The following MAPK4 variants were observed in gnomAD, a reference collection of about 807,000 sequenced individuals.
MAPK4 encodes the protein Erk3-related.
MAPK4 carries 22 observed loss-of-function variants against 47.7 expected under a neutral mutation model. The ratio of observed to expected loss-of-function variants is 0.46; its 90% confidence interval spans 0.33 to 0.66. MAPK4 has a LOEUF of 0.66. Ranked by LOEUF, MAPK4 falls within the 30% of genes least tolerant of loss-of-function variation. MAPK4 has a pLI of 0.02. For synonymous variants in MAPK4, 390 were observed against 365.7 expected (o/e 1.07, Z -0.76); for missense variants, 736 against 831.7 (o/e 0.88, Z 1.42).
At chr18:50,690,554 T>C (rs1301872009) in intron 2 of MAPK4, among the ~76,000 whole-genome samples, 1 of 152,208 alleles carries the variant, frequency 6.6e-6, no homozygotes. Flanking sequence ...TAAAAAGCTC[T>C]TTTAACACTA....
intron 1 of MAPK4, among the ~76,000 whole-genome samples, chr18:50,614,555 T>A (rs533573368): frequency 1.1e-4 from 17 of 152,296 alleles, no homozygotes; most frequent in African/African-American, 3.6e-4. Context: ...GTATATGTAG[T>A]TGCCAATATA....
intron 1 of MAPK4, among the ~76,000 whole-genome samples, chr18:50,642,215 G>T (rs745474382): frequency 1.3e-5 from 2 of 152,094 alleles, no homozygotes; most frequent in African/African-American, 4.8e-5. Context: ...TATTTTCCCC[G>T]CAGTTTAGCT....
chr18:50,635,559 C>A (rs900544512), intron 1 of MAPK4, among the ~76,000 whole-genome samples: 1 of 152,198 alleles, frequency 6.6e-6, no homozygotes, highest in Non-Finnish European at 1.5e-5. Context: ...TCAGAATCAT[C>A]CCTAAAAATG....
At chr18:50,598,206 A>T (rs2042502147) in intron 1 of MAPK4, among the ~76,000 whole-genome samples, 1 of 152,238 alleles carries the variant, frequency 6.6e-6, no homozygotes. Context: ...TTAGATACCT[A>T]CTGCATGCCA....
At chr18:50,725,913 C>G in intron 4 of MAPK4, 49 bp from the exon 5 acceptor site, 1 of 1,466,632 alleles carries the variant, frequency 6.8e-7, no homozygotes, top group Non-Finnish European at 9.6e-7. Flanking sequence ...TCCTTCTGAG[C>G]TCAACAAGGG....
At position 50,588,551 on chromosome 18, in the gene MAPK4, C is replaced by CTTTGTTTG. The variant is rs3080800; in HGVS notation, c.-871+28325_-871+28332dup. Among the ~76,000 whole-genome samples the CTTTGTTTG allele has an allele frequency of 1.5e-3, 223 of 150,718 alleles. 1 individual carries two copies. The highest frequency in any genetic ancestry group is 3.4e-3 in the Middle Eastern group (1 of 294). On this transcript the variant is annotated intron_variant, in intron 1 of 5. Transcript: ENST00000400384. The stretch of plus-strand genomic sequence containing the variant: ...CACAGGGAGGTGAAATAGACTCCAT[C>CTTTGTTTG]TTTGTTTGTTTGTTTGTTTGTTTGA...
chr18:50,562,418 TAAAA>T (rs35910187), intron 1 of MAPK4, among the ~76,000 whole-genome samples: 176 of 137,776 alleles, frequency 1.3e-3, no homozygotes, highest in African/African-American at 3.8e-3. Flanking sequence ...TTTTGGCCAA[TAAAA>T]AAAAAAAAAA....
intron 1 of MAPK4, among the ~76,000 whole-genome samples, chr18:50,575,619 A>C (rs1399577575): frequency 6.6e-6 from 1 of 152,136 alleles, no homozygotes; most frequent in Non-Finnish European, 1.5e-5. Flanking sequence ...TGCAACAAAA[A>C]CAAAAATTGA....
At chr18:50,680,689 TC>T (rs1908541117) in intron 2 of MAPK4, among the ~76,000 whole-genome samples, 1 of 152,220 alleles carries the variant, frequency 6.6e-6, no homozygotes, top group Admixed American at 6.5e-5. Flanking sequence ...CAACATGTGG[TC>T]CTTTGTGACT....
chr18:50,630,298 C>T (rs1046692040), intron 1 of MAPK4, among the ~76,000 whole-genome samples: 2 of 152,216 alleles, frequency 1.3e-5, no homozygotes, highest in African/African-American at 4.8e-5. Context: ...AAGCGATTCT[C>T]ATGCCTCAGC....
intron 1 of MAPK4, among the ~76,000 whole-genome samples, chr18:50,654,834 C>T (rs2043090406): frequency 1.3e-5 from 2 of 152,152 alleles, no homozygotes; most frequent in Admixed American, 6.5e-5. Flanking sequence ...ACGAGGCAGC[C>T]GGAATTTCTC....
At chr18:50,617,661 C>T (rs2042696484) in intron 1 of MAPK4, among the ~76,000 whole-genome samples, 1 of 152,304 alleles carries the variant, frequency 6.6e-6, no homozygotes, top group Non-Finnish European at 1.5e-5. Flanking sequence ...TCTTCATGGG[C>T]CAATCAGGTG....
intron 2 of MAPK4, among the ~76,000 whole-genome samples, chr18:50,695,034 T>C (rs1909424856): frequency 6.6e-6 from 1 of 152,096 alleles, no homozygotes; most frequent in African/African-American, 2.4e-5. Context: ...AAGCTGATGA[T>C]TGAACCGGAA....
At chr18:50,572,139 G>A (rs1323186271) in intron 1 of MAPK4, among the ~76,000 whole-genome samples, 1 of 152,200 alleles carries the variant, frequency 6.6e-6, no homozygotes, top group Non-Finnish European at 1.5e-5. Flanking sequence ...AATACTTGCA[G>A]TGTAGGACTC....
At chr18:50,694,425 G>A (rs1333002610) in intron 2 of MAPK4, among the ~76,000 whole-genome samples, 1 of 152,130 alleles carries the variant, frequency 6.6e-6, no homozygotes, top group Non-Finnish European at 1.5e-5. Context: ...AGAGACAAAT[G>A]GCAAACTCCC....
At chr18:50,726,595 ACT>A (rs1418947546) in intron 5 of MAPK4, among the ~76,000 whole-genome samples, 3 of 151,964 alleles carry the variant, frequency 2.0e-5, no homozygotes, top group African/African-American at 7.3e-5. Context: ...CATGTTGGTA[ACT>A]CTTAAAAATG....
intron 2 of MAPK4, among the ~76,000 whole-genome samples, chr18:50,701,738 A>C (rs1193871767): frequency 6.6e-6 from 1 of 152,192 alleles, no homozygotes; most frequent in African/African-American, 2.4e-5. Context: ...AAGTTGAGTC[A>C]CCACATAAGA....
At chr18:50,667,681 C>T (rs955581090) in intron 2 of MAPK4, among the ~76,000 whole-genome samples, 4 of 152,190 alleles carry the variant, frequency 2.6e-5, no homozygotes, top group African/African-American at 7.2e-5. Context: ...CCAGGGCCAG[C>T]GATAGGCTTA....
intron 1 of MAPK4, among the ~76,000 whole-genome samples, chr18:50,564,567 C>A (rs1195706386): frequency 3.3e-5 from 5 of 152,176 alleles, no homozygotes; most frequent in African/African-American, 1.2e-4. Context: ...TAATTCAATT[C>A]TTTTCAATAA....
Sources: gnomAD v4.1 joint callset for allele counts (sites outside exome capture counted in the v4.1 genomes callset) on GRCh38, gnomAD v4.1.1 for gene constraint, MANE v1.5 for transcripts, NCBI Gene and HGNC (gene_info 2026-07-23, HGNC 2026-07-21) for gene names.